TBC1D22A: variants seen among roughly 807,000 people sequenced by gnomAD.
TBC1D22A encodes TBC1 domain family member 22A, also known as putative GTPase activator.
TBC1D22A carries 38 observed loss-of-function variants against 60.2 expected under a neutral mutation model. That is an observed-to-expected ratio of 0.63 (90% CI 0.49 to 0.83). The LOEUF (loss-of-function observed/expected upper bound fraction) is 0.83. Ranked by LOEUF, TBC1D22A falls within the 40% of genes least tolerant of loss-of-function variation. The probability of loss-of-function intolerance (pLI) is 0.00; values close to 1 mark genes in which losing one functional copy is unlikely to be tolerated. For missense variants in TBC1D22A, 628 were observed against 701.0 expected (o/e 0.90, Z 1.18); for synonymous variants, 302 against 281.7 (o/e 1.07, Z -0.72).
At chr22:46,828,745 CTGTT>C (rs911854361) in intron 4 of TBC1D22A, among the ~76,000 whole-genome samples, 3 of 152,186 alleles carry the variant, frequency 2.0e-5, no homozygotes, top group African/African-American at 7.2e-5. Flanking sequence ...CCTCCTGTCT[CTGTT>C]TGGACTGTTC....
intron 7 of TBC1D22A, among the ~76,000 whole-genome samples, chr22:46,908,156 G>T (rs1287547616): frequency 6.6e-6 from 1 of 152,220 alleles, no homozygotes; most frequent in East Asian, 1.9e-4. Context: ...GTGGAGCATG[G>T]GGGTGTTAGC....
At chr22:46,996,451 C>T (rs902037588) in intron 9 of TBC1D22A, among the ~76,000 whole-genome samples, 1 of 152,266 alleles carries the variant, frequency 6.6e-6, no homozygotes, top group Non-Finnish European at 1.5e-5. Flanking sequence ...CGCTGCCTCC[C>T]GATTCTCCTT....
intron 1 of TBC1D22A, among the ~76,000 whole-genome samples, chr22:46,782,486 T>C (rs976413268): frequency 1.3e-5 from 2 of 152,236 alleles, no homozygotes; most frequent in Non-Finnish European, 2.9e-5. Context: ...CCTTCCATCT[T>C]TGTGGAGATA....
chr22:46,990,960 A>C lies in TBC1D22A; in HGVS notation c.1126-6674A>C, dbSNP rs540173242. 1.3e-5 allele frequency among the ~76,000 whole-genome samples: 2 copies of C among 152,264 alleles called. No individual in the cohort carries two copies. Among genetic ancestry groups the C allele is most frequent in the South Asian group, 4.1e-4 (2 of 4,824 alleles). The stretch of plus-strand genomic sequence containing the variant: ...CACGTTTCCAGTGGTTTACAGAGGC[A>C]CTGGTTCCTCTGGCCTGGCTGGGTT... On this transcript the variant is annotated intron_variant, in intron 9 of 12. Coordinates refer to ENST00000337137, the MANE Select transcript of TBC1D22A (RefSeq NM_014346.5). The surrounding 1 kb of genome is among the most constrained non-coding windows in gnomAD (Gnocchi z 4.6).
chr22:47,045,789 T>TA (rs1222540988), intron 11 of TBC1D22A, among the ~76,000 whole-genome samples: 7 of 152,140 alleles, frequency 4.6e-5, no homozygotes, highest in Non-Finnish European at 7.4e-5. Flanking sequence ...GTGGACCAGT[T>TA]ACTGCTGTTC....
chr22:46,981,191 T>C (rs2074498668), intron 9 of TBC1D22A, among the ~76,000 whole-genome samples: 1 of 152,208 alleles, frequency 6.6e-6, no homozygotes, highest in African/African-American at 2.4e-5. Flanking sequence ...GAAGAGTTAA[T>C]CTTGAATGCA....
intron 3 of TBC1D22A, among the ~76,000 whole-genome samples, chr22:46,796,385 T>C (rs2084654369): frequency 6.6e-6 from 1 of 151,586 alleles, no homozygotes; most frequent in South Asian, 2.1e-4. Flanking sequence ...CGCGGGGGAG[T>C]GCGGCTCCTA....
intron 11 of TBC1D22A, among the ~76,000 whole-genome samples, chr22:47,062,425 G>C (rs1357280203): frequency 1.3e-5 from 2 of 152,324 alleles, no homozygotes; most frequent in South Asian, 4.1e-4. Context: ...GCACGTGGCT[G>C]TCTGGACAAA....
chr22:46,794,068 C>T (rs1444203781), intron 3 of TBC1D22A, among the ~76,000 whole-genome samples: 1 of 152,214 alleles, frequency 6.6e-6, no homozygotes. Flanking sequence ...CGTGTCTCCT[C>T]CTAGTGGAGT....
At chr22:46,765,807 GTC>G (rs1260496851) in intron 1 of TBC1D22A, among the ~76,000 whole-genome samples, 16 of 143,340 alleles carry the variant, frequency 1.1e-4, no homozygotes, top group African/African-American at 3.4e-4. Flanking sequence ...TGAGACAAGA[GTC>G]TCTCTCTGTA....
At chr22:46,822,666 A>G (rs1040928296) in intron 4 of TBC1D22A, among the ~76,000 whole-genome samples, 1 of 152,326 alleles carries the variant, frequency 6.6e-6, no homozygotes, top group South Asian at 2.1e-4. Flanking sequence ...TGATGCCAGC[A>G]GGATCTGTCC....
chr22:46,770,264 A>G (rs927049025), intron 1 of TBC1D22A, among the ~76,000 whole-genome samples: 3 of 152,084 alleles, frequency 2.0e-5, no homozygotes, highest in Non-Finnish European at 4.4e-5. Context: ...CTAACAGGAG[A>G]GCAAGGCCTT....
chr22:46,805,960 C>A (rs2085112898), intron 4 of TBC1D22A, among the ~76,000 whole-genome samples: 1 of 152,028 alleles, frequency 6.6e-6, no homozygotes, highest in African/African-American at 2.4e-5. Context: ...TCAAGTGATT[C>A]TCCTGCCTCA....
intron 1 of TBC1D22A, among the ~76,000 whole-genome samples, chr22:46,770,582 G>A (rs538571463): frequency 3.9e-5 from 6 of 152,312 alleles, no homozygotes; most frequent in African/African-American, 1.4e-4. Flanking sequence ...GAGTACCTTG[G>A]TCAGCGGCCT....
At chr22:46,814,339 C>G (rs1159008897) in intron 4 of TBC1D22A, among the ~76,000 whole-genome samples, 1 of 152,110 alleles carries the variant, frequency 6.6e-6, no homozygotes, top group African/African-American at 2.4e-5. Context: ...GATGAGGAAA[C>G]TGAGGCTTGA....
At chr22:46,802,224 G>A (rs534035466) in intron 4 of TBC1D22A, among the ~76,000 whole-genome samples, 4 of 152,356 alleles carry the variant, frequency 2.6e-5, no homozygotes, top group South Asian at 2.1e-4. Flanking sequence ...AATCGGCGGC[G>A]AGGCTTGCGA....
At chr22:46,891,072 G>T (rs541235461) in intron 5 of TBC1D22A, among the ~76,000 whole-genome samples, 194 bp from the exon 6 acceptor site, 1 of 151,562 alleles carries the variant, frequency 6.6e-6, no homozygotes, top group Non-Finnish European at 1.5e-5. Context: ...GTCGGGAGTG[G>T]TGCTTGCATT....
At chr22:47,010,255 T>C (rs892266999) in intron 10 of TBC1D22A, among the ~76,000 whole-genome samples, 1 of 152,148 alleles carries the variant, frequency 6.6e-6, no homozygotes, top group African/African-American at 2.4e-5. Flanking sequence ...ATATTTTTAT[T>C]ACCCCTACAA....
chr22:47,162,779 A>G lies in TBC1D22A; in HGVS notation c.1426-10719A>G, dbSNP rs11090748. Among the ~76,000 whole-genome samples the G allele has an allele frequency of 8.1e-3, 897 of 110,668 alleles. 39 individuals carry two copies. Among genetic ancestry groups the G allele is most frequent in the African/African-American group, 0.025 (681 of 27,520 alleles). The allele number at this position is 110,668 out of a possible 152,430, so 72.6% of individuals were successfully genotyped here. The stretch of plus-strand genomic sequence containing the variant: ...GTCGGGGGAGTGGGACTGCGGACCC[A>G]GTGCAGGGAGAGTCGGGGGAGTGGG... On this transcript the variant is annotated intron_variant, in intron 12 of 12. Transcript: ENST00000337137.
Sources: allele counts gnomAD v4.1 joint callset (sites outside exome capture counted in the v4.1 genomes callset), GRCh38; gene constraint gnomAD v4.1.1; non-coding constraint Gnocchi (gnomAD v3.1); transcripts MANE v1.5; gene names NCBI Gene and HGNC (gene_info 2026-07-23, HGNC 2026-07-21).